Variants in HS2ST1 observed in about 807,000 individuals in gnomAD.
HS2ST1 encodes 2-O-sulfotransferase.
A neutral mutation model predicts 42.9 loss-of-function variants in HS2ST1; 18 were observed. The ratio of observed to expected loss-of-function variants is 0.42; its 90% confidence interval spans 0.29 to 0.62. HS2ST1 has a LOEUF of 0.62. Ranked by LOEUF, HS2ST1 falls within the 20% of genes least tolerant of loss-of-function variation. The pLI, the probability that HS2ST1 is intolerant of heterozygous loss-of-function variation, is 0.21. For synonymous variants in HS2ST1, 146 were observed against 152.9 expected (o/e 0.95, Z 0.33); for missense variants, 334 against 433.8 (o/e 0.77, Z 2.04).
intron 2 of HS2ST1, among the ~76,000 whole-genome samples, chr1:87,076,984 G>T (rs1178953581): frequency 6.6e-6 from 1 of 152,172 alleles, no homozygotes; most frequent in African/African-American, 2.4e-5. Context: ...ACTTTTCAGA[G>T]CAGCACTTTA....
chr1:86,956,510 T>G (rs896347799), intron 1 of HS2ST1: 7 of 152,234 alleles, frequency 4.6e-5, no homozygotes, highest in African/African-American at 1.7e-4. Flanking sequence ...ATAACAGTAC[T>G]GCTCCCATGA....
rs1265430086 is a variant in HS2ST1 at position 87,030,473 on chromosome 1, G to A, written c.125-42461G>A. ...TGATCATGCCTCTGCACTCCAACCT[G>A]GGTGACAGAGTGAGACCCTGTCTCA... On this transcript the variant is annotated intron_variant, in intron 1 of 6. Transcript: ENST00000370550. Among the ~76,000 whole-genome samples the A allele has an allele frequency of 2.0e-5, 3 of 152,012 alleles. No homozygotes were observed. In the South Asian group the frequency reaches 6.2e-4, roughly 32 times the overall value.
intron 1 of HS2ST1, among the ~76,000 whole-genome samples, chr1:87,028,905 C>G (rs1650159661): frequency 6.6e-6 from 1 of 152,136 alleles, no homozygotes; most frequent in Non-Finnish European, 1.5e-5. Context: ...CTACTGAAAT[C>G]AGAGCCTACT....
At chr1:86,965,393 G>C (rs1465478784) in intron 1 of HS2ST1, among the ~76,000 whole-genome samples, 2 of 152,068 alleles carry the variant, frequency 1.3e-5, no homozygotes, top group Non-Finnish European at 2.9e-5. Context: ...AGGTACTAGG[G>C]CATCTTATTT....
intron 1 of HS2ST1, among the ~76,000 whole-genome samples, chr1:86,949,076 A>G (rs1228074858): frequency 6.6e-6 from 1 of 152,116 alleles, no homozygotes; most frequent in Non-Finnish European, 1.5e-5. Flanking sequence ...TAGGTAGGAA[A>G]CTTTCCTTAA....
chr1:87,045,237 C>G, intron 1 of HS2ST1: 1 of 1,042,966 alleles, frequency 9.6e-7, no homozygotes, highest in Non-Finnish European at 1.5e-6. Flanking sequence ...ACATCCTTTC[C>G]TAGGTCTTCA....
chr1:87,014,502 A>G (rs1229076514), intron 1 of HS2ST1, among the ~76,000 whole-genome samples: 2 of 152,262 alleles, frequency 1.3e-5, no homozygotes, highest in African/African-American at 4.8e-5. Context: ...CAGCCAAACC[A>G]TATCAGTATT....
intron 1 of HS2ST1, among the ~76,000 whole-genome samples, chr1:86,949,095 A>T (rs980552489): frequency 6.6e-6 from 1 of 152,154 alleles, no homozygotes; most frequent in African/African-American, 2.4e-5. Flanking sequence ...AAAAAATGAT[A>T]AAAAATTTAT....
At chr1:87,065,777 G>C (rs1651233348) in intron 1 of HS2ST1, among the ~76,000 whole-genome samples, 1 of 152,128 alleles carries the variant, frequency 6.6e-6, no homozygotes, top group African/African-American at 2.4e-5. Context: ...CATTACTGAA[G>C]TGTTATTATT....
At chr1:87,085,431 T>G (rs570942176) in intron 3 of HS2ST1, among the ~76,000 whole-genome samples, 1 of 152,298 alleles carries the variant, frequency 6.6e-6, no homozygotes, top group African/African-American at 2.4e-5. Flanking sequence ...AATCATGTAA[T>G]TAAAAAAGAA....
At position 87,030,209 on chromosome 1, in the gene HS2ST1, T is replaced by G. The variant is rs527894987; in HGVS notation, c.125-42725T>G. Among the ~76,000 whole-genome samples the G allele has an allele frequency of 2.6e-5, 4 of 152,302 alleles. No homozygotes were observed. In the East Asian group the frequency reaches 7.7e-4, roughly 29 times the overall value. On this transcript the variant is annotated intron_variant, in intron 1 of 6. Coordinates refer to ENST00000370550, the MANE Select transcript of HS2ST1 (RefSeq NM_012262.4). Reference sequence around the variant, plus strand: ...AAATTAGGAGAAAAAGATATACAAGTTCATTTGGCTTTTATGTGCACAGAA... The same window carrying G: ...AAATTAGGAGAAAAAGATATACAAGGTCATTTGGCTTTTATGTGCACAGAA...
chr1:87,057,913 T>C (rs1382587860), intron 1 of HS2ST1, among the ~76,000 whole-genome samples: 8 of 151,700 alleles, frequency 5.3e-5, no homozygotes, highest in Admixed American at 5.2e-4. Flanking sequence ...CAAATACATC[T>C]GGGTGAAACT....
chr1:87,045,021 T>A, intron 1 of HS2ST1: 1 of 1,467,954 alleles, frequency 6.8e-7, no homozygotes, highest in South Asian at 1.1e-5. Flanking sequence ...TGATTTCCTC[T>A]TGCGGCTTCT....
At chr1:86,993,588 T>C (rs1443815102) in intron 1 of HS2ST1, among the ~76,000 whole-genome samples, 1 of 152,332 alleles carries the variant, frequency 6.6e-6, no homozygotes, top group African/African-American at 2.4e-5. Flanking sequence ...ATAAAAATAC[T>C]ATATGGATAT....
chr1:87,004,710 A>G (rs1481132308), intron 1 of HS2ST1, among the ~76,000 whole-genome samples: 1 of 152,212 alleles, frequency 6.6e-6, no homozygotes, highest in Non-Finnish European at 1.5e-5. Flanking sequence ...CTTTCTAGAA[A>G]TATTCACAGT....
intron 1 of HS2ST1, among the ~76,000 whole-genome samples, chr1:86,996,442 CAAA>C (rs67401349): frequency 0.029 from 3,310 of 112,826 alleles, 67 homozygotes; most frequent in African/African-American, 0.061. Flanking sequence ...AACTCTGTCT[CAAA>C]AAAAAAAAAA....
At chr1:86,972,920 G>GGCTA in intron 1 of HS2ST1, among the ~76,000 whole-genome samples, 1 of 152,096 alleles carries the variant, frequency 6.6e-6, no homozygotes, top group Non-Finnish European at 1.5e-5. Context: ...TGTCTTCTAT[G>GGCTA]GCTACACTTT....
chr1:86,945,729 A>G (rs1395060630), intron 1 of HS2ST1, among the ~76,000 whole-genome samples: 1 of 152,190 alleles, frequency 6.6e-6, no homozygotes, highest in Non-Finnish European at 1.5e-5. Flanking sequence ...TACTACAGGA[A>G]TATGAACTGA....
chr1:86,982,865 A>G (rs1307452258), intron 1 of HS2ST1, among the ~76,000 whole-genome samples: 2 of 152,162 alleles, frequency 1.3e-5, no homozygotes, highest in African/African-American at 2.4e-5. Flanking sequence ...TCTGTCAGAT[A>G]ACCTAAATCG....
Sources: allele counts gnomAD v4.1 joint callset (sites outside exome capture counted in the v4.1 genomes callset), GRCh38; gene constraint gnomAD v4.1.1; transcripts MANE v1.5; gene names NCBI Gene and HGNC (gene_info 2026-07-23, HGNC 2026-07-21).